The following DCTN4 variants were observed in gnomAD, a reference collection of about 807,000 sequenced individuals.
The protein encoded by DCTN4 is dynactin 4 (p62).
Under a neutral mutation model 62.7 loss-of-function variants are expected in DCTN4, and 23 were observed. The observed-to-expected ratio is 0.37, with a 90% CI of 0.26 to 0.52. The LOEUF is 0.52. Among genes scored for constraint, DCTN4 ranks in the 20% least tolerant of loss-of-function variants. The pLI, the probability that DCTN4 is intolerant of heterozygous loss-of-function variation, is 0.92. For missense variants in DCTN4, 514 were observed against 580.4 expected (o/e 0.89, Z 1.18); for synonymous variants, 199 against 202.1 (o/e 0.98, Z 0.13).
At chr5:150,730,593 C>A in intron 8 of DCTN4, 38 bp downstream of exon 8, 1 of 1,577,454 alleles carries the variant, frequency 6.3e-7, no homozygotes, top group South Asian at 1.1e-5. Context: ...TTGCTTTCCT[C>A]TTGTACAAAT....
chr5:150,714,237 CTGGATCGGA>C (rs1759676651), intron 12 of DCTN4, among the ~76,000 whole-genome samples: 1 of 152,142 alleles, frequency 6.6e-6, no homozygotes, highest in African/African-American at 2.4e-5. Flanking sequence ...ACTGTATCTG[CTGGATCGGA>C]TGGCTCTTTG....
intron 11 of DCTN4, among the ~76,000 whole-genome samples, chr5:150,717,867 C>A (rs1759822949): frequency 6.6e-6 from 1 of 152,158 alleles, no homozygotes; most frequent in Non-Finnish European, 1.5e-5. Context: ...TGAAGGAAGA[C>A]CACACTGGAA....
In DCTN4 at chr5:150,753,515, T is replaced by C; in HGVS notation, c.349A>G (p.Thr117Ala). 1 of 1,614,210 alleles carries C rather than the reference T, an allele frequency of 6.2e-7. No individual in the cohort carries two copies. The highest frequency in any genetic ancestry group is 8.5e-7 in the Non-Finnish European group (1 of 1,180,032). ...YYLACGFCRW[T>A]SRDVGMADKS... is the part of the protein sequence containing the mutation. Reference sequence around the variant, plus strand: ...TCTGCCATGCCCACATCTCTAGACGTCCAGCGACAAAATCCACATGCCAGG... The same window carrying C: ...TCTGCCATGCCCACATCTCTAGACGCCCAGCGACAAAATCCACATGCCAGG... Residue 117 changes from threonine to alanine, a missense_variant, in exon 3 of 13, where the codon ACG becomes GCG. Transcript: ENST00000447998.
chr5:150,741,422 G>C (rs1760765749), intron 4 of DCTN4, among the ~76,000 whole-genome samples: 1 of 152,138 alleles, frequency 6.6e-6, no homozygotes, highest in Non-Finnish European at 1.5e-5. Flanking sequence ...CAATCCTCCT[G>C]CCTTAGCTTC....
In DCTN4 at chr5:150,729,042, C is replaced by CCTTTTTTTTTTTTTTTTTTTTTTTTTTT. The variant is rs762124472; in HGVS notation, c.834+1588_834+1589insAAAAAAAAAAAAAAAAAAAAAAAAAAAG. On this transcript the variant is annotated intron_variant, in intron 8 of 12. Transcript: ENST00000447998. ...ACAAGTGTGTGAACCACCACACTGG[C>CCTTTTTTTTTTTTTTTTTTTTTTTTTTT]TTTTTTTTTTTTTTTTTTTTTTTTT... Among the ~76,000 whole-genome samples the CCTTTTTTTTTTTTTTTTTTTTTTTTTTT allele has an allele frequency of 7.7e-5, 4 of 52,138 alleles. 2 individuals carry two copies. The highest frequency in any genetic ancestry group is 5.9e-4 in the Admixed American group (2 of 3,402). The allele number at this position is 52,138 out of a possible 152,430, so 34.2% of individuals were successfully genotyped here.
intron 5 of DCTN4, among the ~76,000 whole-genome samples, chr5:150,732,445 C>T (rs1195100760): frequency 6.6e-6 from 1 of 152,220 alleles, no homozygotes; most frequent in East Asian, 1.9e-4. Context: ...GCCACTGCAC[C>T]CAGCTTAATC....
chr5:150,741,604 C>T lies in DCTN4; in HGVS notation c.429+510G>A, dbSNP rs192832007. 7.9e-5 allele frequency among the ~76,000 whole-genome samples: 12 copies of T among 152,306 alleles called. 1 individual carries two copies. In the East Asian group the frequency reaches 2.3e-3, roughly 29 times the overall value. ...AAAGCAATCCTCCCACCTCAGCCTCCTGAGTTGCTGGGACTATAGGCATGC... is the reference window on the plus strand; with the variant it reads ...AAAGCAATCCTCCCACCTCAGCCTCTTGAGTTGCTGGGACTATAGGCATGC... On this transcript the variant is annotated intron_variant, in intron 4 of 12. Transcript: ENST00000447998.
chr5:150,745,674 C>T (rs1007835268), intron 3 of DCTN4, among the ~76,000 whole-genome samples: 5 of 151,324 alleles, frequency 3.3e-5, no homozygotes, highest in African/African-American at 4.8e-5. Context: ...AACTGAACAA[C>T]CTGCTCCTGA....
intron 4 of DCTN4, among the ~76,000 whole-genome samples, chr5:150,741,150 G>GT (rs1198141605): frequency 2.3e-5 from 3 of 131,036 alleles, no homozygotes; most frequent in Admixed American, 7.7e-5. Context: ...GGGTGACAGA[G>GT]TGAGATCCTG....
At chr5:150,728,874 A>G (rs57900372) in intron 8 of DCTN4, among the ~76,000 whole-genome samples, 22,621 of 149,998 alleles carry the variant, frequency 0.15, 3,038 homozygotes, top group African/African-American at 0.36. Flanking sequence ...CTTACCACAC[A>G]CAATCTTTTT....
intron 2 of DCTN4, among the ~76,000 whole-genome samples, chr5:150,755,974 CA>C (rs1752845169): frequency 6.6e-6 from 1 of 150,820 alleles, no homozygotes; most frequent in Admixed American, 6.6e-5. Context: ...AAGGGGATTT[CA>C]TCTTTGGCAA....
intron 3 of DCTN4, among the ~76,000 whole-genome samples, chr5:150,749,452 G>A (rs1752590349): frequency 6.6e-6 from 1 of 152,154 alleles, no homozygotes; most frequent in Admixed American, 6.5e-5. Flanking sequence ...ATATGGCAAG[G>A]GTTGTCAAGG....
At chr5:150,744,815 G>A (rs1178135746) in intron 3 of DCTN4, among the ~76,000 whole-genome samples, 7 of 151,832 alleles carry the variant, frequency 4.6e-5, no homozygotes, top group South Asian at 4.2e-4. Context: ...AGGCACAACC[G>A]GTACCAGCCG....
At chr5:150,717,050 G>A (rs904118621) in intron 11 of DCTN4, among the ~76,000 whole-genome samples, 1 of 151,034 alleles carries the variant, frequency 6.6e-6, no homozygotes, top group Non-Finnish European at 1.5e-5. Context: ...AATATTATTT[G>A]AATAAGAACT....
intron 11 of DCTN4, among the ~76,000 whole-genome samples, chr5:150,717,068 T>C (rs1338320829): frequency 6.6e-6 from 1 of 151,986 alleles, no homozygotes; most frequent in African/African-American, 2.4e-5. Flanking sequence ...ACTAAAGATA[T>C]AGGCATCTTT....
chr5:150,731,509 T>C lies in DCTN4; in HGVS notation c.538-20A>G, dbSNP rs1760369045. The C allele has an allele frequency of 1.2e-6, 2 of 1,606,962 alleles. No individual in the cohort carries two copies. The highest frequency in any genetic ancestry group is 2.2e-5 in the East Asian group (1 of 44,848). On this transcript the variant is annotated intron_variant, in intron 5 of 12. Transcript: ENST00000447998. ...TTTGTCCTAAACAAAGTTCAGAAAT[T>C]CCTATTAGAAAGTCCACTTTTACAC...
chr5:150,711,059 A>C lies in DCTN4; in HGVS notation c.*90T>G. ...CCGTAGTGCATGGGTACATCGTTAT[A>C]AACAAGGCCTAATGAAGCAGCAGCT... On this transcript the variant is annotated 3_prime_UTR_variant, in exon 13 of 13. Coordinates refer to ENST00000447998, the MANE Select transcript of DCTN4 (RefSeq NM_016221.4). The C allele has an allele frequency of 1.6e-6, 2 of 1,252,130 alleles. No homozygotes were observed. Among genetic ancestry groups the C allele is most frequent in the South Asian group, 2.6e-5 (2 of 77,302 alleles). The allele number at this position is 1,252,130 out of a possible 1,614,324, so 77.6% of individuals were successfully genotyped here. A position where few individuals can be genotyped will look rare whatever the true frequency, so the allele number is the denominator to read the frequency against.
At position 150,742,138 on chromosome 5, in the gene DCTN4, T is replaced by C. The variant is rs1416907941; in HGVS notation, c.405A>G (p.Glu135=). Residue 135 remains glutamate, a synonymous_variant, in exon 4 of 13, where the codon GAA becomes GAG. Transcript: ENST00000447998. ...CCCGTTGTGTGTGAGGATTTTCAGG[T>C]TCCTGCCAACCGCCACTAGCTACAA... ...DKSVASGGWQ[E]PENPHTQRMN... 4 of 1,613,960 alleles carry C rather than the reference T, an allele frequency of 2.5e-6. No homozygotes were observed. The highest frequency in any genetic ancestry group is 3.4e-6 in the Non-Finnish European group (4 of 1,179,946).
Position 150,711,041 on chromosome 5 carries a change from G to T in DCTN4, c.*108C>A. On this transcript the variant is annotated 3_prime_UTR_variant, in exon 13 of 13. Transcript: ENST00000447998. ...TTTCTTAGCAATAGAATTCCGTAGT[G>T]CATGGGTACATCGTTATAAACAAGG... 2 of 1,057,746 alleles carry T rather than the reference G, an allele frequency of 1.9e-6. No individual in the cohort carries two copies. The highest frequency in any genetic ancestry group is 2.8e-6 in the Non-Finnish European group (2 of 714,032). The allele number at this position is 1,057,746 out of a possible 1,614,324, so 65.5% of individuals were successfully genotyped here. A position where few individuals can be genotyped will look rare whatever the true frequency, so the allele number is the denominator to read the frequency against.
Sources: allele counts gnomAD v4.1 joint callset (sites outside exome capture counted in the v4.1 genomes callset), GRCh38; gene constraint gnomAD v4.1.1; transcripts MANE v1.5; gene names NCBI Gene and HGNC (gene_info 2026-07-23, HGNC 2026-07-21).